Variants in UBE2R2 observed in about 807,000 individuals in gnomAD.
The protein encoded by UBE2R2 is ubiquitin-conjugating enzyme E2 R2.
A neutral mutation model predicts 27.8 loss-of-function variants in UBE2R2; 1 was observed. That is an observed-to-expected ratio of 0.04 (90% confidence interval 0.01 to 0.17). UBE2R2 has a LOEUF of 0.17. UBE2R2 is among the 10% of genes least tolerant of loss of function. The probability of loss-of-function intolerance (pLI) is 1.00; values close to 1 mark genes in which losing one functional copy is unlikely to be tolerated. For synonymous variants in UBE2R2, 106 were observed against 113.3 expected, an observed-to-expected ratio of 0.94 and a Z score of 0.41; for missense variants, 100 against 291.0, an observed-to-expected ratio of 0.34 and a Z score of 4.78.
intron 1 of UBE2R2, among the ~76,000 whole-genome samples, chr9:33,873,603 G>T (rs1429151265): frequency 2.0e-5 from 3 of 152,104 alleles, no homozygotes; most frequent in Non-Finnish European, 4.4e-5. Flanking sequence ...GATTTCATAT[G>T]TACACAATTT....
intron 3 of UBE2R2, among the ~76,000 whole-genome samples, chr9:33,901,529 C>T (rs1402595383): frequency 6.6e-6 from 1 of 151,926 alleles, no homozygotes; most frequent in African/African-American, 2.4e-5. Flanking sequence ...AATTCTTCTG[C>T]ATGGATTGAT....
Position 33,873,197 on chromosome 9 carries a change from AG to A in UBE2R2, c.178-13683del, listed in dbSNP as rs367931254. Among the ~76,000 whole-genome samples, 39 of 142,388 alleles carry A rather than the reference AG, an allele frequency of 2.7e-4. No homozygotes were observed. In the East Asian group the frequency reaches 7.1e-3, roughly 26 times the overall value. 93.4% of individuals were successfully genotyped at this position (142,388 alleles called of 152,430 possible). On this transcript the variant is annotated intron_variant, in intron 1 of 4. Transcript: ENST00000263228. ...CTTAAAAAAAAAAAAAAAAAAAAAA[AG>A]ATCTAATATCATAGATACTACTTTA...
chr9:33,879,611 C>T (rs1455003974), intron 1 of UBE2R2, among the ~76,000 whole-genome samples: 1 of 151,954 alleles, frequency 6.6e-6, no homozygotes, highest in Non-Finnish European at 1.5e-5. Flanking sequence ...GTCCACCATG[C>T]TTGGCGAATT....
At chr9:33,856,424 T>TA (rs1821102260) in intron 1 of UBE2R2, among the ~76,000 whole-genome samples, 1 of 152,162 alleles carries the variant, frequency 6.6e-6, no homozygotes, top group Non-Finnish European at 1.5e-5. Context: ...GTACATTACT[T>TA]ACCACTAGAT....
chr9:33,903,219 A>G (rs1822283645), intron 3 of UBE2R2, among the ~76,000 whole-genome samples: 1 of 152,226 alleles, frequency 6.6e-6, no homozygotes, highest in South Asian at 2.1e-4. Context: ...GACAATGTGT[A>G]TAAAAGTTTT....
intron 1 of UBE2R2, among the ~76,000 whole-genome samples, chr9:33,865,562 C>G (rs915697285): frequency 2.0e-5 from 3 of 152,128 alleles, no homozygotes; most frequent in Admixed American, 2.0e-4. Flanking sequence ...TATCATACTT[C>G]TACTGTGGAA....
At chr9:33,877,447 G>A (rs1821630703) in intron 1 of UBE2R2, among the ~76,000 whole-genome samples, 1 of 151,988 alleles carries the variant, frequency 6.6e-6, no homozygotes, top group African/African-American at 2.4e-5. Context: ...CTCCCAAAGT[G>A]CTGGGATTAC....
intron 1 of UBE2R2, among the ~76,000 whole-genome samples, chr9:33,850,430 A>G (rs1169048577): frequency 4.6e-5 from 7 of 152,102 alleles, no homozygotes; most frequent in Non-Finnish European, 1.5e-5. Context: ...ACCTGTAACC[A>G]TTCTTCATTC....
At chr9:33,891,051 T>TTTTGTTTTTTTTTTTG (rs1564001591) in intron 2 of UBE2R2, among the ~76,000 whole-genome samples, 7 of 139,466 alleles carry the variant, frequency 5.0e-5, no homozygotes, top group Admixed American at 4.4e-4. Context: ...TGTTGTGTTT[T>TTTTGTTTTTTTTTTTG]TTTGTTTTTT....
intron 2 of UBE2R2, among the ~76,000 whole-genome samples, chr9:33,896,339 T>C (rs1033193697): frequency 5.9e-5 from 9 of 152,156 alleles, no homozygotes; most frequent in Admixed American, 4.6e-4. Flanking sequence ...CAATGTTAAA[T>C]AGCAGTGGTG....
chr9:33,827,648 AAAATT>A (rs1820344742), intron 1 of UBE2R2, among the ~76,000 whole-genome samples: 1 of 152,102 alleles, frequency 6.6e-6, no homozygotes, highest in South Asian at 2.1e-4. Flanking sequence ...TCTAAAAAAA[AAAATT>A]AATTAATTAA....
At chr9:33,891,602 G>A in intron 2 of UBE2R2, among the ~76,000 whole-genome samples, 1 of 151,330 alleles carries the variant, frequency 6.6e-6, no homozygotes, top group East Asian at 2.0e-4. Context: ...AGCCAAGATT[G>A]CACCACTGCA....
At chr9:33,890,099 A>G (rs1472728843) in intron 2 of UBE2R2, among the ~76,000 whole-genome samples, 1 of 152,200 alleles carries the variant, frequency 6.6e-6, no homozygotes, top group African/African-American at 2.4e-5. Context: ...TCTACAGGAA[A>G]GAAGTGTAGG....
At position 33,900,286 on chromosome 9, in the gene UBE2R2, G is replaced by C. The variant is rs780584797; in HGVS notation, c.362+15G>C. 3.1e-6 allele frequency: 5 copies of C among 1,591,920 alleles called. No homozygotes were observed. In the Admixed American group the frequency reaches 8.4e-5, roughly 27 times the overall value. Reference sequence around the variant, plus strand: ...CAGAATGTGAGGTAAGGAGGAATCTGGTTTTGGAGTTATTCTTAATCTCCT... The same window carrying C: ...CAGAATGTGAGGTAAGGAGGAATCTCGTTTTGGAGTTATTCTTAATCTCCT... On this transcript the variant is annotated intron_variant, in intron 3 of 4. Coordinates refer to ENST00000263228, the MANE Select transcript of UBE2R2 (RefSeq NM_017811.4).
At chr9:33,848,823 C>T (rs961122003) in intron 1 of UBE2R2, among the ~76,000 whole-genome samples, 4 of 151,688 alleles carry the variant, frequency 2.6e-5, no homozygotes, top group African/African-American at 4.8e-5. Context: ...AGGCTGGTCT[C>T]GAGCTCTTGA....
At chr9:33,879,389 A>G (rs1821682027) in intron 1 of UBE2R2, among the ~76,000 whole-genome samples, 2 of 152,284 alleles carry the variant, frequency 1.3e-5, no homozygotes, top group South Asian at 4.1e-4. Context: ...ATTGGTGCAT[A>G]TCATCTATTC....
chr9:33,823,540 T>C (rs1224741632), intron 1 of UBE2R2, among the ~76,000 whole-genome samples: 1 of 152,122 alleles, frequency 6.6e-6, no homozygotes, highest in Non-Finnish European at 1.5e-5. Flanking sequence ...CACGCCCGGT[T>C]AATTTTTGTA....
chr9:33,897,023 A>ATTT (rs1434314063), intron 2 of UBE2R2, among the ~76,000 whole-genome samples: 2 of 77,064 alleles, frequency 2.6e-5, no homozygotes. Flanking sequence ...TCTGTGGCCT[A>ATTT]ATTTTTTTTT....
chr9:33,863,656 A>G (rs915118583), intron 1 of UBE2R2, among the ~76,000 whole-genome samples: 1 of 152,168 alleles, frequency 6.6e-6, no homozygotes, highest in Non-Finnish European at 1.5e-5. Flanking sequence ...ACATTCTAAT[A>G]TGGGGCAAAA....
Sources: gnomAD v4.1 joint callset for allele counts (sites outside exome capture counted in the v4.1 genomes callset) on GRCh38, gnomAD v4.1.1 for gene constraint, MANE v1.5 for transcripts, NCBI Gene and HGNC (gene_info 2026-07-23, HGNC 2026-07-21) for gene names.